The following LY9 variants were observed in gnomAD, a reference collection of about 807,000 sequenced individuals.
LY9 encodes the protein T-lymphocyte surface antigen Ly-9.
LY9 carries 59 observed loss-of-function variants against 64.6 expected under a neutral mutation model. That is an observed-to-expected ratio of 0.91 (90% CI 0.74 to 1.13). LY9 has a LOEUF of 1.13. Among genes scored for constraint, LY9 ranks in the 50% most tolerant of loss-of-function variants. LY9 has a pLI of 0.00. For synonymous variants in LY9, 281 were observed against 308.5 expected (o/e 0.91, Z 0.93); for missense variants, 789 against 797.2 (o/e 0.99, Z 0.12).
At chr1:160,817,649 G>A (rs1022856117) in intron 5 of LY9, among the ~76,000 whole-genome samples, 1 of 152,184 alleles carries the variant, frequency 6.6e-6, no homozygotes, top group Non-Finnish European at 1.5e-5. Context: ...ATCCTACAGA[G>A]TAGATATTCT....
chr1:160,803,397 TAAC>T (rs1274237192), intron 2 of LY9, among the ~76,000 whole-genome samples: 1 of 152,216 alleles, frequency 6.6e-6, no homozygotes, highest in Admixed American at 6.5e-5. Flanking sequence ...ATGGTCATTT[TAAC>T]AATATTGATT....
chr1:160,819,418 T>G, intron 7 of LY9, 44 bp downstream of exon 7: 1 of 1,518,834 alleles, frequency 6.6e-7, no homozygotes, highest in Non-Finnish European at 9.1e-7. Context: ...CTGGTCCAAA[T>G]GGAAGTTCTA....
chr1:160,822,946 A>G (rs1327884122), intron 7 of LY9, among the ~76,000 whole-genome samples: 4 of 152,160 alleles, frequency 2.6e-5, no homozygotes, highest in African/African-American at 9.7e-5. Flanking sequence ...CCACTCATCG[A>G]AATATTGAAT....
intron 2 of LY9, among the ~76,000 whole-genome samples, chr1:160,806,564 T>C (rs1667009405): frequency 6.6e-6 from 1 of 152,238 alleles, no homozygotes; most frequent in African/African-American, 2.4e-5. Context: ...TTCCATTTTC[T>C]TCTGGCCTGC....
chr1:160,800,298 T>C (rs908686344), intron 2 of LY9: 3 of 532,398 alleles, frequency 5.6e-6, no homozygotes, highest in African/African-American at 3.8e-5. Context: ...TCTTACTGTA[T>C]GTTTGTACCC....
intron 2 of LY9, among the ~76,000 whole-genome samples, chr1:160,807,545 T>C (rs938748191): frequency 6.6e-6 from 1 of 152,190 alleles, no homozygotes; most frequent in Non-Finnish European, 1.5e-5. Context: ...CCAGGTGGCT[T>C]GCTCAGATAC....
chr1:160,798,776 C>T (rs1666151607), intron 1 of LY9: 1 of 152,238 alleles, frequency 6.6e-6, no homozygotes. Context: ...CCAGGCTATG[C>T]TTATGCTCCT....
chr1:160,826,942 A>G (rs1668883183), intron 9 of LY9, among the ~76,000 whole-genome samples: 1 of 152,198 alleles, frequency 6.6e-6, no homozygotes, highest in Non-Finnish European at 1.5e-5. Flanking sequence ...CAGAATGACC[A>G]CCACATGTCT....
chr1:160,821,551 G>A (rs1385780247), intron 7 of LY9, among the ~76,000 whole-genome samples: 1 of 152,034 alleles, frequency 6.6e-6, no homozygotes, highest in Admixed American at 6.5e-5. Context: ...CCTAAAATAT[G>A]CTAATAGTTT....
chr1:160,806,056 A>G, intron 2 of LY9, among the ~76,000 whole-genome samples: 1 of 149,346 alleles, frequency 6.7e-6, no homozygotes, highest in South Asian at 2.1e-4. Context: ...TGTAGTCTAT[A>G]TATCTTTACT....
At chr1:160,818,402 C>A in intron 6 of LY9, 83 bp downstream of exon 6, 2 of 933,338 alleles carry the variant, frequency 2.1e-6, no homozygotes, top group Non-Finnish European at 3.4e-6. Flanking sequence ...CTCACACAAT[C>A]CCGTGCTACC....
chr1:160,821,614 T>G (rs1668455763), intron 7 of LY9, among the ~76,000 whole-genome samples: 1 of 152,230 alleles, frequency 6.6e-6, no homozygotes, highest in African/African-American at 2.4e-5. Flanking sequence ...CTGACTTCTC[T>G]AAAACCCTCA....
At chr1:160,811,699 A>G (rs898213751) in intron 2 of LY9, 1 of 152,206 alleles carries the variant, frequency 6.6e-6, no homozygotes, top group African/African-American at 2.4e-5. Flanking sequence ...TTCCAGTAAC[A>G]TATTTCTAAT....
At chr1:160,821,871 A>G (rs1668480730) in intron 7 of LY9, among the ~76,000 whole-genome samples, 1 of 152,246 alleles carries the variant, frequency 6.6e-6, no homozygotes, top group Non-Finnish European at 1.5e-5. Flanking sequence ...GGACAAGACT[A>G]GCTGTAGTCA....
At chr1:160,815,485 C>CA (rs1386026054) in intron 4 of LY9, 2 of 152,328 alleles carry the variant, frequency 1.3e-5, no homozygotes, top group Non-Finnish European at 2.9e-5. Context: ...CTACCAAGTT[C>CA]AAGGGATTCT....
intron 7 of LY9, among the ~76,000 whole-genome samples, chr1:160,821,750 A>G (rs950048360): frequency 8.5e-5 from 13 of 152,172 alleles, no homozygotes; most frequent in Non-Finnish European, 1.8e-4. Flanking sequence ...CCTAAGCCTC[A>G]GTTTCCTTAC....
chr1:160,803,165 C>T (rs929385471), intron 2 of LY9, among the ~76,000 whole-genome samples: 18 of 151,944 alleles, frequency 1.2e-4, no homozygotes. Flanking sequence ...ACCTGTAATC[C>T]CAGCTACTCG....
At position 160,824,093 on chromosome 1, in the gene LY9, G is replaced by A. The variant is rs538498189; in HGVS notation, c.1831-88G>A. On this transcript the variant is annotated intron_variant, in intron 8 of 9. Transcript: ENST00000263285. The stretch of plus-strand genomic sequence containing the variant: ...CCCTGTGTGTGAGATGGGAAGCCAG[G>A]GGGTATCCCCTCTCCTCAAGGGTTG... The A allele has an allele frequency of 1.6e-5, 24 of 1,537,248 alleles. No homozygotes were observed. In the South Asian group the frequency reaches 2.3e-4, roughly 15 times the overall value.
intron 5 of LY9, among the ~76,000 whole-genome samples, 184 bp from the exon 6 acceptor site, chr1:160,818,034 C>T (rs1015436163): frequency 3.9e-5 from 6 of 152,184 alleles, no homozygotes; most frequent in African/African-American, 1.4e-4. Context: ...TCAGGTACTG[C>T]TATAACCTCT....
Sources: gnomAD v4.1 joint callset for allele counts (sites outside exome capture counted in the v4.1 genomes callset) on GRCh38, gnomAD v4.1.1 for gene constraint, MANE v1.5 for transcripts, NCBI Gene and HGNC (gene_info 2026-07-23, HGNC 2026-07-21) for gene names.